Variants in KLF12 observed in about 807,000 individuals in gnomAD.
KLF12 encodes Krueppel-like factor 12.
KLF12 carries 9 observed loss-of-function variants against 37.8 expected under a neutral mutation model. The ratio of observed to expected loss-of-function variants is 0.24; its 90% confidence interval spans 0.14 to 0.42. The LOEUF (loss-of-function observed/expected upper bound fraction) is 0.42, where lower values mean the gene tolerates loss of function less well. Ranked by LOEUF, KLF12 falls within the 10% of genes least tolerant of loss-of-function variation. The pLI is 1.00. For synonymous variants in KLF12, 208 were observed against 202.1 expected (o/e 1.03, Z -0.25); for missense variants, 411 against 516.0 (o/e 0.80, Z 1.97).
chr13:73,817,328 AG>A (rs1883282721), intron 4 of KLF12, among the ~76,000 whole-genome samples: 7 of 138,522 alleles, frequency 5.1e-5, no homozygotes, highest in African/African-American at 1.6e-4. Flanking sequence ...CAAAAAAAAA[AG>A]AAAAGAAAAA....
chr13:74,241,130 T>A, the KLF12 span, among the ~76,000 whole-genome samples: 1 of 151,558 alleles, frequency 6.6e-6, no homozygotes, highest in African/African-American at 2.4e-5. Context: ...TTGGTGTGGA[T>A]GTCCTTTCTG....
the KLF12 span, among the ~76,000 whole-genome samples, chr13:74,265,831 G>A: frequency 2.0e-5 from 3 of 152,198 alleles, no homozygotes; most frequent in Non-Finnish European, 4.4e-5. Context: ...GGAAGTCCTG[G>A]ATCTCACCTT....
At chr13:73,979,246 G>T (rs1188170587) in intron 2 of KLF12, among the ~76,000 whole-genome samples, 1 of 152,026 alleles carries the variant, frequency 6.6e-6, no homozygotes, top group African/African-American at 2.4e-5. Context: ...GTTGATAATG[G>T]GAGAGGCTAC....
At chr13:73,800,600 T>A (rs1392147799) in intron 5 of KLF12, 2 of 152,060 alleles carry the variant, frequency 1.3e-5, no homozygotes, top group Admixed American at 1.3e-4. Context: ...TTCACATTAA[T>A]TAAGATGCAG....
At chr13:74,056,253 A>C (rs911871981) in intron 1 of KLF12, among the ~76,000 whole-genome samples, 4 of 152,182 alleles carry the variant, frequency 2.6e-5, no homozygotes, top group Non-Finnish European at 5.9e-5. Flanking sequence ...ACCAAGAACC[A>C]TATTGGGTGT....
intron 1 of KLF12, among the ~76,000 whole-genome samples, chr13:74,110,189 C>A (rs1409678235): frequency 6.6e-6 from 1 of 152,096 alleles, no homozygotes; most frequent in African/African-American, 2.4e-5. Context: ...CCAGAGTGGA[C>A]CTCTGCCCTA....
chr13:73,832,490 G>A (rs1046211440), intron 4 of KLF12, among the ~76,000 whole-genome samples: 12 of 152,168 alleles, frequency 7.9e-5, no homozygotes, highest in African/African-American at 2.9e-4. Flanking sequence ...AGATGATTAG[G>A]GGGAGCCCTT....
At chr13:74,117,524 A>T (rs537068682) in intron 1 of KLF12, among the ~76,000 whole-genome samples, 1 of 152,204 alleles carries the variant, frequency 6.6e-6, no homozygotes, top group South Asian at 2.1e-4. Flanking sequence ...TAAACATGAT[A>T]TGTAGTTATT....
At chr13:74,008,014 A>T (rs1296043939) in intron 1 of KLF12, among the ~76,000 whole-genome samples, 1 of 152,176 alleles carries the variant, frequency 6.6e-6, no homozygotes, top group East Asian at 1.9e-4. Context: ...TTACATTGAG[A>T]GAGTGACAAT....
the KLF12 span, among the ~76,000 whole-genome samples, chr13:74,265,003 A>G: frequency 4.6e-5 from 7 of 152,218 alleles, no homozygotes; most frequent in Admixed American, 1.3e-4. Context: ...GCCATAAATT[A>G]TTTACAATAG....
chr13:74,123,641 T>C (rs898241199), intron 1 of KLF12, among the ~76,000 whole-genome samples: 1 of 152,240 alleles, frequency 6.6e-6, no homozygotes, highest in African/African-American at 2.4e-5. Context: ...GGCTGTTACA[T>C]ATGGATTCTT....
chr13:73,783,689 G>C (rs1881124647), intron 5 of KLF12, among the ~76,000 whole-genome samples: 1 of 152,120 alleles, frequency 6.6e-6, no homozygotes, highest in Non-Finnish European at 1.5e-5. Flanking sequence ...GTAGTCTCAT[G>C]ATGGCCTGTA....
chr13:73,754,931 GGTT>G (rs1402743901), intron 6 of KLF12, among the ~76,000 whole-genome samples: 1,996 of 151,788 alleles, frequency 0.013, 21 homozygotes, highest in South Asian at 0.039. Context: ...TTCTTCACAT[GGTT>G]GCCTTTAGCC....
At chr13:73,733,884 T>C (rs2137825668) in intron 6 of KLF12, among the ~76,000 whole-genome samples, 1 of 152,284 alleles carries the variant, frequency 6.6e-6, no homozygotes, top group African/African-American at 2.4e-5. Flanking sequence ...CACAGTCTTC[T>C]CAATAAAACA....
At chr13:74,165,172 T>C in the KLF12 span, among the ~76,000 whole-genome samples, 7 of 152,154 alleles carry the variant, frequency 4.6e-5, no homozygotes, top group East Asian at 1.2e-3. Flanking sequence ...CCCATAAATA[T>C]ATACACCTTC....
intron 1 of KLF12, among the ~76,000 whole-genome samples, chr13:74,032,212 T>A (rs1295427219): frequency 6.6e-6 from 1 of 152,200 alleles, no homozygotes; most frequent in Non-Finnish European, 1.5e-5. Flanking sequence ...GGCACAGACT[T>A]GATCATAGGA....
At chr13:74,211,579 A>G in the KLF12 span, among the ~76,000 whole-genome samples, 1 of 152,280 alleles carries the variant, frequency 6.6e-6, no homozygotes, top group South Asian at 2.1e-4. Context: ...AATTCACAGG[A>G]AATTTTGAAT....
At chr13:74,164,790 G>A in the KLF12 span, among the ~76,000 whole-genome samples, 1 of 152,106 alleles carries the variant, frequency 6.6e-6, no homozygotes, top group African/African-American at 2.4e-5. Flanking sequence ...TTATGTTAAG[G>A]GAAATAAGCC....
chr13:74,152,923 T>C, the KLF12 span, among the ~76,000 whole-genome samples: 1 of 112,772 alleles, frequency 8.9e-6, no homozygotes, highest in East Asian at 3.3e-4. Context: ...ATAATAATAA[T>C]AATAATAAAA....
Sources: allele counts gnomAD v4.1 joint callset (sites outside exome capture counted in the v4.1 genomes callset), GRCh38; gene constraint gnomAD v4.1.1; transcripts MANE v1.5; gene names NCBI Gene and HGNC (gene_info 2026-07-23, HGNC 2026-07-21).